Variants in ZNF385D observed in about 807,000 individuals in gnomAD.
The protein encoded by ZNF385D is zinc finger protein 385D, also known as zinc finger protein 659.
Under a neutral mutation model 35.8 loss-of-function variants are expected in ZNF385D, and 15 were observed. The observed-to-expected ratio is 0.42, with a 90% CI of 0.28 to 0.64. The LOEUF (loss-of-function observed/expected upper bound fraction) is 0.64, where lower values mean the gene tolerates loss of function less well. Among genes scored for constraint, ZNF385D ranks in the 30% least tolerant of loss-of-function variants. ZNF385D has a pLI of 0.23. For missense variants in ZNF385D, 474 were observed against 494.6 expected (o/e 0.96, Z 0.39); for synonymous variants, 212 against 186.8 (o/e 1.13, Z -1.10).
intron 3 of ZNF385D, among the ~76,000 whole-genome samples, chr3:21,805,223 A>G (rs926914054): frequency 6.6e-6 from 1 of 152,212 alleles, no homozygotes; most frequent in African/African-American, 2.4e-5. Context: ...AAACTGGGTG[A>G]TCTATTTAAA....
intron 3 of ZNF385D, among the ~76,000 whole-genome samples, chr3:21,528,444 T>G (rs988785565): frequency 6.6e-6 from 1 of 152,142 alleles, no homozygotes. Context: ...TGTCCAGCCC[T>G]GATGCACTAA....
chr3:21,810,491 G>A (rs991482278), intron 3 of ZNF385D, among the ~76,000 whole-genome samples: 1 of 151,988 alleles, frequency 6.6e-6, no homozygotes, highest in Admixed American at 6.6e-5. Context: ...CCTGCATGTT[G>A]TGCACATGTA....
At chr3:22,063,151 C>T (rs185384633) in intron 3 of ZNF385D, among the ~76,000 whole-genome samples, 2 of 152,204 alleles carry the variant, frequency 1.3e-5, no homozygotes, top group Non-Finnish European at 1.5e-5. Flanking sequence ...AGCCAATATG[C>T]CATTTTGGTT....
chr3:21,657,043 GA>G (rs571513943), intron 2 of ZNF385D, among the ~76,000 whole-genome samples: 1 of 151,768 alleles, frequency 6.6e-6, no homozygotes, highest in African/African-American at 2.4e-5. Flanking sequence ...CTACATAAAG[GA>G]TATCTATATA....
At chr3:21,950,807 A>G (rs2125297670) in intron 3 of ZNF385D, among the ~76,000 whole-genome samples, 1 of 151,624 alleles carries the variant, frequency 6.6e-6, no homozygotes, top group Non-Finnish European at 1.5e-5. Context: ...ATAAGGAATC[A>G]TTTCCCCATT....
intron 2 of ZNF385D, among the ~76,000 whole-genome samples, chr3:22,226,685 T>C (rs1698575753): frequency 6.6e-6 from 1 of 152,186 alleles, no homozygotes; most frequent in African/African-American, 2.4e-5. Flanking sequence ...TCTTTTGAAG[T>C]CTAGGTCATC....
At chr3:22,326,018 C>T (rs1053666543) in intron 2 of ZNF385D, among the ~76,000 whole-genome samples, 2 of 152,162 alleles carry the variant, frequency 1.3e-5, no homozygotes, top group Non-Finnish European at 2.9e-5. Context: ...TCCTGACACA[C>T]TGGCTCTCTT....
At chr3:21,965,302 G>T (rs1702853756) in intron 3 of ZNF385D, among the ~76,000 whole-genome samples, 1 of 152,174 alleles carries the variant, frequency 6.6e-6, no homozygotes, top group Non-Finnish European at 1.5e-5. Context: ...GCCACATATT[G>T]GTATGTGTCT....
rs35158008 is a variant in ZNF385D, at chr3:22,201,810, C to CAT, written c.107-32777_107-32776dup. On this transcript the variant is annotated intron_variant, in intron 2 of 5. Coordinates refer to the ZNF385D transcript ENST00000494108. ...AACTGAATGTGTGTGTATATATATA[C>CAT]ATATATATATATAAATTTAATACTT... is the stretch of plus-strand genomic sequence containing the variant. 2.9e-3 allele frequency among the ~76,000 whole-genome samples: 431 copies of CAT among 150,492 alleles called. 2 individuals are homozygous for CAT. The highest frequency in any genetic ancestry group is 0.014 in the Middle Eastern group (4 of 294).
intron 3 of ZNF385D, among the ~76,000 whole-genome samples, chr3:22,033,679 C>T (rs1260977471): frequency 6.6e-6 from 1 of 151,796 alleles, no homozygotes; most frequent in Non-Finnish European, 1.5e-5. Context: ...GTGATTATAA[C>T]AAGAACAATG....
intron 3 of ZNF385D, among the ~76,000 whole-genome samples, chr3:22,105,209 G>A: frequency 6.6e-6 from 1 of 151,742 alleles, no homozygotes; most frequent in South Asian, 2.1e-4. Context: ...CCATAAAATA[G>A]TATCATTAAA....
intron 3 of ZNF385D, among the ~76,000 whole-genome samples, chr3:22,109,499 G>T (rs1230049413): frequency 1.3e-5 from 2 of 152,116 alleles, no homozygotes; most frequent in Admixed American, 6.6e-5. Flanking sequence ...TAGAGCTACT[G>T]ATGTTTGGAA....
At chr3:21,461,597 T>C (rs1324171637) in intron 4 of ZNF385D, among the ~76,000 whole-genome samples, 2 of 152,158 alleles carry the variant, frequency 1.3e-5, no homozygotes, top group Non-Finnish European at 2.9e-5. Flanking sequence ...GAAATTGTTT[T>C]AATTTCAAAG....
intron 2 of ZNF385D, among the ~76,000 whole-genome samples, chr3:22,238,366 G>C (rs528895918): frequency 6.6e-6 from 1 of 151,152 alleles, no homozygotes; most frequent in African/African-American, 2.4e-5. Context: ...TTGGGACTTT[G>C]ATAGAGATTG....
At chr3:22,181,319 T>C (rs372865582) in intron 2 of ZNF385D, among the ~76,000 whole-genome samples, 1 of 152,116 alleles carries the variant, frequency 6.6e-6, no homozygotes, top group East Asian at 1.9e-4. Flanking sequence ...ATGGCCCCTC[T>C]AATTTCCACC....
chr3:21,934,124 T>A (rs911137972), intron 3 of ZNF385D, among the ~76,000 whole-genome samples: 2 of 152,146 alleles, frequency 1.3e-5, no homozygotes, highest in African/African-American at 2.4e-5. Context: ...GGGAAAATAG[T>A]GATATTTAAT....
chr3:21,925,004 A>C (rs1422963459), intron 3 of ZNF385D, among the ~76,000 whole-genome samples: 1 of 152,166 alleles, frequency 6.6e-6, no homozygotes, highest in Non-Finnish European at 1.5e-5. Context: ...CAATGATAAA[A>C]AAAGAGAAAA....
chr3:21,987,478 A>T (rs1421667745), intron 3 of ZNF385D, among the ~76,000 whole-genome samples: 2 of 122,710 alleles, frequency 1.6e-5, no homozygotes, highest in Admixed American at 1.5e-4. Context: ...CTTTTCTTTA[A>T]GAATGTTGAA....
At chr3:21,787,002 G>A (rs1299998183) in intron 3 of ZNF385D, among the ~76,000 whole-genome samples, 1 of 152,138 alleles carries the variant, frequency 6.6e-6, no homozygotes, top group African/African-American at 2.4e-5. Flanking sequence ...ATTCTTGCCT[G>A]AAACCACACT....
Sources: gnomAD v4.1 joint callset for allele counts (sites outside exome capture counted in the v4.1 genomes callset) on GRCh38, gnomAD v4.1.1 for gene constraint, MANE v1.5 for transcripts, NCBI Gene and HGNC (gene_info 2026-07-23, HGNC 2026-07-21) for gene names.